NTRK3: variants seen among roughly 807,000 people sequenced by gnomAD.
NTRK3 encodes the protein NT-3 growth factor receptor.
NTRK3 carries 24 observed loss-of-function variants against 91.7 expected under a neutral mutation model. That is an observed-to-expected ratio of 0.26 (90% CI 0.19 to 0.37). The LOEUF is 0.37. NTRK3 is among the 10% of genes least tolerant of loss of function. The pLI, the probability that NTRK3 is intolerant of heterozygous loss-of-function variation, is 1.00. For synonymous variants in NTRK3, 483 were observed against 404.0 expected (o/e 1.20, Z -2.34); for missense variants, 880 against 1,068.9 (o/e 0.82, Z 2.46).
chr15:88,175,295 C>T (rs2045895414), intron 5 of NTRK3, among the ~76,000 whole-genome samples: 1 of 152,146 alleles, frequency 6.6e-6, no homozygotes, highest in Admixed American at 6.5e-5. Context: ...TCCTTTGCCC[C>T]ACGGCAGAGG....
intron 13 of NTRK3, among the ~76,000 whole-genome samples, chr15:88,090,967 C>CA (rs374979297): frequency 2.0e-5 from 3 of 152,040 alleles, no homozygotes; most frequent in African/African-American, 7.2e-5. Flanking sequence ...CTCTCACCTT[C>CA]AAAAAAAAGA....
At chr15:88,177,718 C>T (rs1434358909) in intron 5 of NTRK3, among the ~76,000 whole-genome samples, 2 of 152,092 alleles carry the variant, frequency 1.3e-5, no homozygotes, top group Non-Finnish European at 2.9e-5. Context: ...CTAAAGGGCA[C>T]GATAGGAATA....
chr15:88,109,606 G>A (rs2051105154), intron 13 of NTRK3, among the ~76,000 whole-genome samples: 1 of 152,142 alleles, frequency 6.6e-6, no homozygotes, highest in Non-Finnish European at 1.5e-5. Context: ...AAAGTTCCAA[G>A]ATATGTGCTC....
chr15:87,874,083 T>C, exon 19 of NTRK3: 1 of 229,458 alleles, frequency 4.4e-6, no homozygotes, highest in Non-Finnish European at 8.6e-6. Context: ...GTACTAAGCC[T>C]TATCAGTCCT....
At chr15:88,115,745 C>T (rs1384364928) in intron 13 of NTRK3, among the ~76,000 whole-genome samples, 1 of 152,076 alleles carries the variant, frequency 6.6e-6, no homozygotes, top group Non-Finnish European at 1.5e-5. Flanking sequence ...AGTGTGAATA[C>T]CAACCGCCAG....
intron 14 of NTRK3, among the ~76,000 whole-genome samples, chr15:87,992,279 T>C (rs1352098131): frequency 6.6e-6 from 1 of 152,164 alleles, no homozygotes; most frequent in African/African-American, 2.4e-5. Flanking sequence ...ACTCTCTTGT[T>C]CACATAAACT....
rs2052255683 is a variant in NTRK3, at chr15:88,240,599, CT to C, written c.248+15306del. 6.6e-6 allele frequency among the ~76,000 whole-genome samples: 1 copy of C among 152,202 alleles called. No homozygotes were observed. Among genetic ancestry groups the C allele is most frequent in the Admixed American group, 6.5e-5 (1 of 15,292 alleles). On this transcript the variant is annotated intron_variant, in intron 3 of 18. Coordinates refer to ENST00000394480, the Ensembl canonical transcript of NTRK3. This position sits in a 1 kb window ranked among gnomAD's most constrained non-coding sequence, Gnocchi z 4.9. ...GGGTCTGTAATACAGGGCTGCCCCCCTGGCTCTGGAGACAAACCTCAGCTCT... is the reference window on the plus strand; with the variant it reads ...GGGTCTGTAATACAGGGCTGCCCCCCGGCTCTGGAGACAAACCTCAGCTCT...
intron 14 of NTRK3, among the ~76,000 whole-genome samples, chr15:87,947,288 T>A (rs2070654997): frequency 6.6e-6 from 1 of 152,048 alleles, no homozygotes; most frequent in Non-Finnish European, 1.5e-5. Context: ...GTTAGAGGTG[T>A]CCTGTGGGAC....
chr15:88,232,538 T>C (rs1054772262), intron 3 of NTRK3, among the ~76,000 whole-genome samples: 4 of 152,234 alleles, frequency 2.6e-5, no homozygotes, highest in African/African-American at 7.2e-5. Flanking sequence ...AAAGTTTTGG[T>C]AAATGTGGCT....
chr15:88,116,286 C>G (rs945743142), intron 13 of NTRK3, among the ~76,000 whole-genome samples: 5 of 152,108 alleles, frequency 3.3e-5, no homozygotes, highest in Non-Finnish European at 7.4e-5. Flanking sequence ...AAATGCCTTA[C>G]AAGTAGTGGT....
intron 5 of NTRK3, among the ~76,000 whole-genome samples, chr15:88,150,966 A>G (rs566837525): frequency 2.6e-5 from 4 of 152,148 alleles, no homozygotes; most frequent in East Asian, 3.9e-4. Context: ...CCTGTCATCA[A>G]TTATTGATGA....
intron 14 of NTRK3, among the ~76,000 whole-genome samples, chr15:87,948,338 C>G (rs2070770810): frequency 6.6e-6 from 1 of 152,188 alleles, no homozygotes; most frequent in Non-Finnish European, 1.5e-5. Context: ...ATTTTGAAGG[C>G]TGGAGATCTA....
chr15:88,158,917 G>T (rs776228004), intron 5 of NTRK3, among the ~76,000 whole-genome samples: 3 of 152,190 alleles, frequency 2.0e-5, no homozygotes, highest in Non-Finnish European at 2.9e-5. Context: ...GACGCAGAAA[G>T]CATCTGTGGG....
At chr15:87,862,561 T>C (rs1014311119) in exon 19 of NTRK3, 6 of 226,442 alleles carry the variant, frequency 2.6e-5, no homozygotes, top group African/African-American at 1.3e-4. Context: ...ACAGGATTCA[T>C]CCTGACATGA....
chr15:87,901,330 C>T (rs539709469), intron 17 of NTRK3, among the ~76,000 whole-genome samples: 57 of 152,278 alleles, frequency 3.7e-4, no homozygotes, highest in South Asian at 1.2e-3. Context: ...ATTCCTGTTT[C>T]CAAAAAATAT....
Position 87,928,857 on chromosome 15 carries a change from G to T in NTRK3, c.2133+334C>A, listed in dbSNP as rs183732953. On this transcript the variant is annotated intron_variant, in intron 17 of 18. Transcript: ENST00000394480. ...GTAGTATCAAGTTGGGTGTGTCTGT[G>T]TGTGTGTTTGGGCACATACATATAC... 4.7e-4 allele frequency: 239 copies of T among 505,374 alleles called. 2 individuals are homozygous for T. In the Admixed American group the frequency reaches 7.3e-3, roughly 16 times the overall value. 31.3% of individuals were successfully genotyped at this position (505,374 alleles called of 1,614,324 possible).
intron 14 of NTRK3, among the ~76,000 whole-genome samples, chr15:87,979,923 G>A (rs538484194): frequency 2.6e-5 from 4 of 152,222 alleles, no homozygotes; most frequent in Non-Finnish European, 5.9e-5. Context: ...ATACCAGAGG[G>A]GCATTTCTAA....
chr15:87,938,070 A>T (rs1219367787), intron 15 of NTRK3, among the ~76,000 whole-genome samples: 1 of 152,162 alleles, frequency 6.6e-6, no homozygotes, highest in Non-Finnish European at 1.5e-5. Context: ...TATTTGTCTA[A>T]TGATGATTTC....
At chr15:87,966,847 C>T (rs1187711467) in intron 14 of NTRK3, among the ~76,000 whole-genome samples, 1 of 152,190 alleles carries the variant, frequency 6.6e-6, no homozygotes, top group African/African-American at 2.4e-5. Context: ...TTACCCAAGA[C>T]TAGTGAATAC....
Sources: gnomAD v4.1 joint callset for allele counts (sites outside exome capture counted in the v4.1 genomes callset) on GRCh38, gnomAD v4.1.1 for gene constraint, Gnocchi (gnomAD v3.1) non-coding constraint, MANE v1.5 for transcripts, NCBI Gene and HGNC (gene_info 2026-07-23, HGNC 2026-07-21) for gene names.